The following HDAC11 variants were observed in gnomAD, a reference collection of about 807,000 sequenced individuals.
HDAC11 encodes histone deacetylase 11.
Under a neutral mutation model 41.1 loss-of-function variants are expected in HDAC11, and 23 were observed. The ratio of observed to expected loss-of-function variants is 0.56; its 90% CI spans 0.40 to 0.79. The LOEUF (loss-of-function observed/expected upper bound fraction) is 0.79. Among genes scored for constraint, HDAC11 ranks in the 30% least tolerant of loss-of-function variants. The pLI is 0.00. For synonymous variants in HDAC11, 187 were observed against 186.6 expected (o/e 1.00, Z -0.02); for missense variants, 402 against 477.3 (o/e 0.84, Z 1.47).
intron 2 of HDAC11, among the ~76,000 whole-genome samples, chr3:13,483,189 A>T (rs1465733973): frequency 6.6e-6 from 1 of 152,034 alleles, no homozygotes; most frequent in Non-Finnish European, 1.5e-5. Context: ...AAGGTTGTCT[A>T]GCACACCTGA....
intron 4 of HDAC11, among the ~76,000 whole-genome samples, chr3:13,497,615 GT>G (rs1372230914): frequency 6.6e-6 from 1 of 152,156 alleles, no homozygotes; most frequent in Middle Eastern, 3.2e-3. Flanking sequence ...TGTGTGTGTG[GT>G]TTTTTTAAAA....
At chr3:13,482,720 G>A (rs1024920468) in intron 2 of HDAC11, among the ~76,000 whole-genome samples, 2 of 152,194 alleles carry the variant, frequency 1.3e-5, no homozygotes, top group African/African-American at 4.8e-5. Flanking sequence ...CCAGAAGTTC[G>A]AGGGTGCAGT....
chr3:13,491,402 AT>A (rs1296592367), intron 3 of HDAC11, among the ~76,000 whole-genome samples: 1 of 151,878 alleles, frequency 6.6e-6, no homozygotes, highest in Non-Finnish European at 1.5e-5. Context: ...TTGTTGAGTG[AT>A]TTTATCACAA....
chr3:13,480,997 C>A lies in HDAC11; in HGVS notation c.3-249C>A. ...ACCTGCACTGTGACCTTGGGCACAC[C>A]TGGTCTGCTCTCTGAGCCTCTGGTG... On this transcript the variant is annotated intron_variant, in intron 1 of 9. Coordinates refer to ENST00000295757, the MANE Select transcript of HDAC11 (RefSeq NM_024827.4). This position sits in a 1 kb window ranked among gnomAD's most constrained non-coding sequence, Gnocchi z 4.6. 1.8e-6 allele frequency: 1 copy of A among 541,114 alleles called. No individual in the cohort carries two copies. Among genetic ancestry groups the A allele is most frequent in the Non-Finnish European group, 3.3e-6 (1 of 299,216 alleles). 33.5% of individuals were successfully genotyped at this position (541,114 alleles called of 1,614,324 possible).
Position 13,504,630 on chromosome 3 carries a change from A to G in HDAC11, c.991A>G (p.Ser331Gly), listed in dbSNP as rs1207280006. The G allele has an allele frequency of 6.2e-7, 1 of 1,613,806 alleles. No homozygotes were observed. The highest frequency in any genetic ancestry group is 8.5e-7 in the Non-Finnish European group (1 of 1,180,014). Residue 331 changes from serine (S) to glycine (G), a missense_variant, in exon 10 of 10, where the codon AGC becomes GGC. Transcript: ENST00000295757. Reference protein sequence around the residue: ...GLGLIGPESPSVSAQNSDTPL... With the variant: ...GLGLIGPESPGVSAQNSDTPL... ...GGGGCTCATTGGGCCTGAGTCACCC[A>G]GCGTCTCCGCACAGAACTCAGACAC...
At chr3:13,481,902 C>A (rs1424118136) in intron 2 of HDAC11, among the ~76,000 whole-genome samples, 1 of 152,202 alleles carries the variant, frequency 6.6e-6, no homozygotes, top group Admixed American at 6.5e-5. Flanking sequence ...CTTTCAGGTT[C>A]AAACAATTTT....
intron 2 of HDAC11, among the ~76,000 whole-genome samples, 174 bp downstream of exon 2, chr3:13,481,568 G>C (rs139421867): frequency 2.0e-5 from 3 of 152,058 alleles, no homozygotes; most frequent in Non-Finnish European, 4.4e-5. Context: ...TCCTAATCAC[G>C]ATATGATGTC....
At chr3:13,486,585 T>G (rs1268507191) in intron 3 of HDAC11, among the ~76,000 whole-genome samples, 52 of 148,322 alleles carry the variant, frequency 3.5e-4, no homozygotes, top group African/African-American at 1.3e-3. Context: ...TTTTTTTTTT[T>G]TTTTTTTTTT....
rs1036458493 is a variant in HDAC11, at chr3:13,502,951, A to G, written c.620A>G (p.His207Arg). 3.1e-6 allele frequency: 5 copies of G among 1,613,668 alleles called. No individual in the cohort carries two copies. In the African/African-American group the frequency reaches 4.0e-5, roughly 13 times the overall value. Residue 207 changes from histidine (H) to arginine (R), a missense_variant, in exon 8 of 10, where the codon CAC (histidine) becomes CGC (arginine). Transcript: ENST00000295757. The surrounding 1 kb of genome is among the most constrained non-coding windows in gnomAD (Gnocchi z 4.1). ...TACATCATGGATGTCTACAACCGCCACATCTACCCAGGGGACCGCTTTGCC... is the reference window on the plus strand; with the variant it reads ...TACATCATGGATGTCTACAACCGCCGCATCTACCCAGGGGACCGCTTTGCC... Reference protein sequence around the residue: ...RVYIMDVYNRHIYPGDRFAKQ... With the variant: ...RVYIMDVYNRRIYPGDRFAKQ...
chr3:13,481,141 G>A, intron 1 of HDAC11, 105 bp from the exon 2 acceptor site: 1 of 1,232,508 alleles, frequency 8.1e-7, no homozygotes, highest in South Asian at 1.5e-5. Context: ...TGAGGGGCTA[G>A]TGGTGCTGGG....
chr3:13,504,234 G>C lies in HDAC11; in HGVS notation c.790G>C (p.Glu264Gln), dbSNP rs750626336. ...ATACAATGCAGGCACCGACATCCTC[G>C]AGGGGGACCGCCTTGGGGGGCTGTC... ...VVYNAGTDIL[E>Q]GDRLGGLSIS... The change falls in exon 9 of 10, where the codon GAG becomes CAG. Residue 264 changes from glutamate (E) to glutamine (Q), a missense_variant. Coordinates refer to ENST00000295757, the MANE Select transcript of HDAC11 (RefSeq NM_024827.4). 6.2e-7 allele frequency: 1 copy of C among 1,613,524 alleles called. No individual in the cohort carries two copies. The highest frequency in any genetic ancestry group is 1.3e-5 in the African/African-American group (1 of 74,914).
chr3:13,499,713 C>T (rs1702265782), intron 5 of HDAC11, among the ~76,000 whole-genome samples: 1 of 152,218 alleles, frequency 6.6e-6, no homozygotes, highest in South Asian at 2.1e-4. Context: ...AGCATTCAGT[C>T]TGGCATAGTA....
intron 6 of HDAC11, chr3:13,501,566 T>C: frequency 1.6e-6 from 1 of 621,304 alleles, no homozygotes; most frequent in African/African-American, 1.8e-5. Context: ...ACACATTTCC[T>C]AGGGAATCTG....
intron 3 of HDAC11, among the ~76,000 whole-genome samples, chr3:13,489,628 T>C (rs943113944): frequency 4.6e-5 from 7 of 152,190 alleles, no homozygotes; most frequent in Non-Finnish European, 1.0e-4. Flanking sequence ...GTACGGTGGC[T>C]CCATCTTGGC....
Position 13,497,721 on chromosome 3 carries a change from T to C in HDAC11, c.370-792T>C, listed in dbSNP as rs77553133. Among the ~76,000 whole-genome samples, 211 of 152,352 alleles carry C rather than the reference T, an allele frequency of 1.4e-3. 3 individuals are homozygous for C. In the East Asian group the frequency reaches 0.037, roughly 27 times the overall value. Reference sequence around the variant, plus strand: ...AACCCAGCCCTGGATCACTACCTACTGATCCCCTACAGTTCTGTTATGTTT... The same window carrying C: ...AACCCAGCCCTGGATCACTACCTACCGATCCCCTACAGTTCTGTTATGTTT... On this transcript the variant is annotated intron_variant, in intron 4 of 9. Transcript: ENST00000295757.
At chr3:13,493,278 C>T (rs1701947537) in intron 3 of HDAC11, among the ~76,000 whole-genome samples, 1 of 152,174 alleles carries the variant, frequency 6.6e-6, no homozygotes, top group Non-Finnish European at 1.5e-5. Context: ...GCCACCTCCT[C>T]TGACCACATA....
intron 3 of HDAC11, among the ~76,000 whole-genome samples, chr3:13,494,160 G>A (rs1311932520): frequency 1.3e-5 from 2 of 152,236 alleles, no homozygotes; most frequent in East Asian, 3.8e-4. Flanking sequence ...GCACACGAGA[G>A]AATGCCTTTC....
At chr3:13,486,837 C>T (rs2125001480) in intron 3 of HDAC11, among the ~76,000 whole-genome samples, 1 of 152,240 alleles carries the variant, frequency 6.6e-6, no homozygotes, top group East Asian at 1.9e-4. Context: ...CCTCGGCCTC[C>T]CAAAGTGCTG....
intron 3 of HDAC11, among the ~76,000 whole-genome samples, chr3:13,484,044 G>C (rs200095496): frequency 6.6e-6 from 1 of 152,064 alleles, no homozygotes; most frequent in East Asian, 1.9e-4. Flanking sequence ...TGCAACCTCC[G>C]CCTTCCGGGT....
Sources: allele counts gnomAD v4.1 joint callset (sites outside exome capture counted in the v4.1 genomes callset), GRCh38; gene constraint gnomAD v4.1.1; non-coding constraint Gnocchi (gnomAD v3.1); transcripts MANE v1.5; gene names NCBI Gene and HGNC (gene_info 2026-07-23, HGNC 2026-07-21).